The following UXS1 variants were observed in gnomAD, a reference collection of about 807,000 sequenced individuals.
The protein encoded by UXS1 is UDP-glucuronate decarboxylase 1.
UXS1 carries 33 observed loss-of-function variants against 62.6 expected under a neutral mutation model. The observed-to-expected ratio is 0.53, with a 90% CI of 0.40 to 0.70. The LOEUF is 0.70. Ranked by LOEUF, UXS1 falls within the 30% of genes least tolerant of loss-of-function variation. The pLI, the probability that UXS1 is intolerant of heterozygous loss-of-function variation, is 0.00. For synonymous variants in UXS1, 213 were observed against 206.8 expected (o/e 1.03, Z -0.26); for missense variants, 434 against 556.3 (o/e 0.78, Z 2.21).
chr2:106,115,315 A>G (rs1055133747), intron 9 of UXS1, among the ~76,000 whole-genome samples: 9 of 152,350 alleles, frequency 5.9e-5, no homozygotes, highest in Admixed American at 5.9e-4. Flanking sequence ...CCCACCTCTG[A>G]AGGACCAAGA....
At chr2:106,112,811 C>G (rs748743238) in intron 9 of UXS1, 46 bp from the exon 10 acceptor site, 6 of 1,583,314 alleles carry the variant, frequency 3.8e-6, no homozygotes, top group South Asian at 2.3e-5. Context: ...CCTGTGTGGT[C>G]CACGCATCCA....
rs1680291674 is a variant in UXS1 at position 106,129,900 on chromosome 2, AT to A, written c.473-123del. 6.9e-6 allele frequency: 4 copies of A among 580,950 alleles called. No individual in the cohort carries two copies. In the Admixed American group the frequency reaches 1.5e-4, roughly 21 times the overall value. 36.0% of individuals were successfully genotyped at this position (580,950 alleles called of 1,614,324 possible). A position where few individuals can be genotyped will look rare whatever the true frequency, so the allele number is the denominator to read the frequency against. On this transcript the variant is annotated intron_variant, in intron 6 of 14. Coordinates refer to ENST00000283148, the MANE Select transcript of UXS1 (RefSeq NM_001253875.2). ...TCTTTCACTGAAATCAAGTTATTTT[AT>A]TCTTCATATAAACTAATTTACATTT...
intron 5 of UXS1, 130 bp downstream of exon 5, chr2:106,157,928 T>A (rs1017928499): frequency 3.7e-6 from 3 of 808,104 alleles, no homozygotes; most frequent in Admixed American, 4.9e-5. Context: ...CGGTGCTAAC[T>A]CTGTGGACAT....
At chr2:106,161,286 T>G (rs1432649647) in intron 4 of UXS1, among the ~76,000 whole-genome samples, 1 of 152,028 alleles carries the variant, frequency 6.6e-6, no homozygotes, top group East Asian at 1.9e-4. Context: ...TTGTATTTCT[T>G]GTAGAGATGA....
chr2:106,177,864 G>A (rs1279235203), intron 1 of UXS1, among the ~76,000 whole-genome samples: 1 of 152,200 alleles, frequency 6.6e-6, no homozygotes, highest in East Asian at 1.9e-4. Flanking sequence ...TCTGGGGTGT[G>A]GTCTGGCCAT....
intron 10 of UXS1, among the ~76,000 whole-genome samples, chr2:106,110,996 G>A (rs949650068): frequency 1.2e-4 from 18 of 152,208 alleles, no homozygotes; most frequent in African/African-American, 3.9e-4. Context: ...GAGCAAGGAA[G>A]CCCGGCCTGA....
chr2:106,120,988 G>A (rs978258033), intron 9 of UXS1, among the ~76,000 whole-genome samples: 4 of 152,162 alleles, frequency 2.6e-5, no homozygotes, highest in South Asian at 2.1e-4. Flanking sequence ...CGCTGCCCAC[G>A]CCATTAAGCT....
chr2:106,139,353 G>A (rs1466191023), intron 6 of UXS1, among the ~76,000 whole-genome samples: 1 of 152,212 alleles, frequency 6.6e-6, no homozygotes, highest in African/African-American at 2.4e-5. Flanking sequence ...TCCTACCAGA[G>A]AGCATGCAGG....
At chr2:106,164,369 C>CATGGATGCTCTTTACATTT (rs1553435001) in intron 3 of UXS1, among the ~76,000 whole-genome samples, 4 of 152,106 alleles carry the variant, frequency 2.6e-5, no homozygotes, top group Admixed American at 6.5e-5. Flanking sequence ...CATCTGTGCA[C>CATGGATGCTCTTTACATTT]GTGGCCTAGC....
At chr2:106,111,280 T>C (rs902471682) in intron 10 of UXS1, among the ~76,000 whole-genome samples, 17 of 152,118 alleles carry the variant, frequency 1.1e-4, no homozygotes, top group Admixed American at 6.5e-5. Flanking sequence ...AGAAGAGCCA[T>C]GTGTAGTCAC....
intron 6 of UXS1, chr2:106,138,294 A>C (rs1278190065): frequency 2.5e-5 from 25 of 985,378 alleles, no homozygotes; most frequent in Non-Finnish European, 2.9e-5. Context: ...CCTTGCCTGC[A>C]CCACTAGTCC....
chr2:106,146,947 G>A (rs1370635853), intron 5 of UXS1, among the ~76,000 whole-genome samples: 3 of 152,012 alleles, frequency 2.0e-5, no homozygotes, highest in East Asian at 1.9e-4. Flanking sequence ...GACGCCAGGC[G>A]TTCAAGACTA....
intron 12 of UXS1, among the ~76,000 whole-genome samples, chr2:106,100,165 G>C (rs1468352290): frequency 6.6e-6 from 1 of 152,210 alleles, no homozygotes. Flanking sequence ...AGAGGTTCTT[G>C]TGTCCACTGC....
intron 2 of UXS1, among the ~76,000 whole-genome samples, chr2:106,165,119 T>TTGTGCC (rs1683131950): frequency 6.6e-6 from 1 of 152,230 alleles, no homozygotes; most frequent in Non-Finnish European, 1.5e-5. Context: ...GAGTATGTGT[T>TTGTGCC]TGTGCCTGCT....
chr2:106,112,503 T>C, intron 10 of UXS1, 143 bp downstream of exon 10: 2 of 1,343,572 alleles, frequency 1.5e-6, no homozygotes, highest in East Asian at 2.6e-5. Flanking sequence ...CGTGCCTGCC[T>C]TCCCCTTAGT....
chr2:106,138,874 C>G, intron 6 of UXS1: 1 of 985,378 alleles, frequency 1.0e-6, no homozygotes, highest in Non-Finnish European at 1.2e-6. Flanking sequence ...AACTCCAGTT[C>G]CTATCCTAAA....
At chr2:106,125,966 C>T (rs1679907301) in intron 7 of UXS1, among the ~76,000 whole-genome samples, 1 of 152,196 alleles carries the variant, frequency 6.6e-6, no homozygotes, top group Admixed American at 6.5e-5. Flanking sequence ...TTCGTGAAGA[C>T]TCCTCTGCCC....
chr2:106,159,438 TAA>T (rs1016742244), intron 4 of UXS1: 1 of 152,266 alleles, frequency 6.6e-6, no homozygotes, highest in African/African-American at 2.4e-5. Flanking sequence ...GCTCTGACCC[TAA>T]GTCTCACTTA....
intron 9 of UXS1, among the ~76,000 whole-genome samples, chr2:106,118,752 G>T (rs1679271390): frequency 6.6e-6 from 1 of 152,046 alleles, no homozygotes; most frequent in Admixed American, 6.6e-5. Flanking sequence ...ACTCAGAAGA[G>T]AATCCTTAGG....
Sources: gnomAD v4.1 joint callset for allele counts (sites outside exome capture counted in the v4.1 genomes callset) on GRCh38, gnomAD v4.1.1 for gene constraint, MANE v1.5 for transcripts, NCBI Gene and HGNC (gene_info 2026-07-23, HGNC 2026-07-21) for gene names.